The following UST variants were observed in gnomAD, a reference collection of about 807,000 sequenced individuals.
UST encodes the protein uronyl 2-sulfotransferase, also known as chondroitin sulfate 2-O-sulfotransferase.
UST carries 21 observed loss-of-function variants against 45.6 expected under a neutral mutation model. The ratio of observed to expected loss-of-function variants is 0.46; its 90% CI spans 0.33 to 0.66. The LOEUF (loss-of-function observed/expected upper bound fraction) is 0.66. Ranked by LOEUF, UST falls within the 30% of genes least tolerant of loss-of-function variation. The pLI, the probability that UST is intolerant of heterozygous loss-of-function variation, is 0.02. For synonymous variants in UST, 215 were observed against 200.6 expected, an observed-to-expected ratio of 1.07 and a Z score of -0.61; for missense variants, 463 against 512.4, an observed-to-expected ratio of 0.90 and a Z score of 0.93.
At chr6:148,921,920 C>A (rs1215751437) in intron 2 of UST, among the ~76,000 whole-genome samples, 1 of 152,092 alleles carries the variant, frequency 6.6e-6, no homozygotes, top group East Asian at 1.9e-4. Context: ...GGGCTCCAGT[C>A]CCCACCCTCT....
chr6:149,038,759 T>G (rs1158920154), intron 7 of UST, among the ~76,000 whole-genome samples: 2 of 152,184 alleles, frequency 1.3e-5, no homozygotes, highest in Non-Finnish European at 2.9e-5. Flanking sequence ...ACAAAGAGCC[T>G]TCAAAGATGA....
At position 148,748,385 on chromosome 6, in the gene UST, G is replaced by C. The variant is rs1775918309; in HGVS notation, c.247+708G>C. On this transcript the variant is annotated intron_variant, in intron 1 of 7. Transcript: ENST00000367463. This position sits in a 1 kb window ranked among gnomAD's most constrained non-coding sequence, Gnocchi z 5.3. ...ATCCTCGGCGCTGTGTGCGTCTCAA[G>C]CTCAAGTCAAAACTTGTGTGTGTGT... Among the ~76,000 whole-genome samples the C allele has an allele frequency of 6.8e-6, 1 of 147,084 alleles. No homozygotes were observed. The highest frequency in any genetic ancestry group is 1.5e-5 in the Non-Finnish European group (1 of 67,252).
At chr6:148,812,398 G>C (rs1382285473) in intron 1 of UST, among the ~76,000 whole-genome samples, 1 of 152,142 alleles carries the variant, frequency 6.6e-6, no homozygotes. Context: ...GTTATTTATT[G>C]CAATGTAACA....
At chr6:149,029,899 T>A (rs1776113830) in intron 7 of UST, among the ~76,000 whole-genome samples, 1 of 151,470 alleles carries the variant, frequency 6.6e-6, no homozygotes, top group South Asian at 2.1e-4. Context: ...TGTGTGTGTG[T>A]GTGTGTGTGT....
intron 5 of UST, among the ~76,000 whole-genome samples, chr6:149,012,550 G>A (rs767420288): frequency 1.3e-4 from 20 of 152,246 alleles, no homozygotes; most frequent in Middle Eastern, 3.4e-3. Flanking sequence ...TATTTTTAGC[G>A]TGTGAAGACT....
intron 1 of UST, among the ~76,000 whole-genome samples, chr6:148,751,612 T>A (rs1331367741): frequency 1.3e-5 from 2 of 152,236 alleles, no homozygotes; most frequent in East Asian, 3.8e-4. Context: ...CAAGGATAAC[T>A]GTTATCTTGA....
At chr6:148,870,589 T>G (rs918928044) in intron 1 of UST, among the ~76,000 whole-genome samples, 2 of 152,200 alleles carry the variant, frequency 1.3e-5, no homozygotes, top group Non-Finnish European at 2.9e-5. Flanking sequence ...GCGCCTGCCC[T>G]TCTCTTGCTG....
intron 2 of UST, among the ~76,000 whole-genome samples, chr6:148,894,040 G>T (rs1436398863): frequency 6.6e-6 from 1 of 152,142 alleles, no homozygotes; most frequent in Non-Finnish European, 1.5e-5. Flanking sequence ...GTCTAGGATG[G>T]AAAGGATGAG....
chr6:148,747,915 C>T (rs1775905324), intron 1 of UST, among the ~76,000 whole-genome samples: 1 of 152,156 alleles, frequency 6.6e-6, no homozygotes, highest in South Asian at 2.1e-4. Flanking sequence ...GCAGGTACCC[C>T]GGGGCGAGGC....
At chr6:149,009,773 G>A (rs888078366) in intron 5 of UST, among the ~76,000 whole-genome samples, 2 of 151,444 alleles carry the variant, frequency 1.3e-5, no homozygotes, top group Non-Finnish European at 2.9e-5. Context: ...CAACTGAGAG[G>A]CAGAGAGGCA....
At chr6:148,773,301 A>C (rs1776467826) in intron 1 of UST, among the ~76,000 whole-genome samples, 1 of 152,104 alleles carries the variant, frequency 6.6e-6, no homozygotes, top group African/African-American at 2.4e-5. Context: ...TCTCTACCAA[A>C]AATACAAAAA....
At chr6:149,043,021 T>TTTTC (rs71554434) in intron 7 of UST, among the ~76,000 whole-genome samples, 107 of 118,298 alleles carry the variant, frequency 9.0e-4, no homozygotes, top group Middle Eastern at 8.1e-3. Context: ...CTTTCTTTCT[T>TTTTC]TTTCTTTCTT....
At chr6:148,871,072 A>AT (rs538417690) in intron 1 of UST, among the ~76,000 whole-genome samples, 266 of 142,522 alleles carry the variant, frequency 1.9e-3, no homozygotes, top group African/African-American at 6.6e-3. Flanking sequence ...CCATGATGGG[A>AT]TTGGGGGCCT....
Position 149,018,493 on chromosome 6 carries a change from C to A in UST, c.682-646C>A, listed in dbSNP as rs61134866. ...AGTTGGTTTTGAGCCCTTCTGCTTA[C>A]CCCCACCAAGCCATTTCAAGCTCTG... On this transcript the variant is annotated intron_variant, in intron 5 of 7. Transcript: ENST00000367463. 8.5e-3 allele frequency among the ~76,000 whole-genome samples: 1,291 copies of A among 152,234 alleles called. 14 individuals carry two copies. Among genetic ancestry groups the A allele is most frequent in the African/African-American group, 0.03 (1,235 of 41,538 alleles).
intron 2 of UST, among the ~76,000 whole-genome samples, chr6:148,909,622 A>G (rs1779435937): frequency 6.6e-6 from 1 of 152,184 alleles, no homozygotes; most frequent in South Asian, 2.1e-4. Flanking sequence ...CTCAGGATCT[A>G]CATTATTCAT....
rs570322317 is a variant in UST, at chr6:148,930,187, G to A, written c.292-11092G>A. Among the ~76,000 whole-genome samples the A allele has an allele frequency of 3.3e-5, 5 of 152,286 alleles. No individual in the cohort carries two copies. The East Asian group carries it at 5.8e-4, about 18-fold the overall frequency. ...ACTGTATGCATATCTCTAGTGGGGCGCTTACCACATGGTATCAGCGCAAGC... is the reference window on the plus strand; with the variant it reads ...ACTGTATGCATATCTCTAGTGGGGCACTTACCACATGGTATCAGCGCAAGC... On this transcript the variant is annotated intron_variant, in intron 2 of 7. Coordinates refer to ENST00000367463, the MANE Select transcript of UST (RefSeq NM_005715.3).
chr6:148,792,226 A>C (rs541281471), intron 1 of UST, among the ~76,000 whole-genome samples: 4 of 152,308 alleles, frequency 2.6e-5, no homozygotes, highest in African/African-American at 9.6e-5. Context: ...GTTTGAAAAT[A>C]GTTTCTATCC....
chr6:148,931,560 A>T (rs1449842090), intron 2 of UST, among the ~76,000 whole-genome samples: 3 of 152,222 alleles, frequency 2.0e-5, no homozygotes, highest in Non-Finnish European at 2.9e-5. Context: ...TGCAAACTAG[A>T]ACTAATTTGA....
intron 2 of UST, among the ~76,000 whole-genome samples, chr6:148,912,630 G>A (rs995042432): frequency 2.0e-5 from 3 of 152,158 alleles, no homozygotes; most frequent in Non-Finnish European, 2.9e-5. Flanking sequence ...CTCCCTGGCC[G>A]GTCAGAGCCT....
Sources: gnomAD v4.1 joint callset for allele counts (sites outside exome capture counted in the v4.1 genomes callset) on GRCh38, gnomAD v4.1.1 for gene constraint, Gnocchi (gnomAD v3.1) non-coding constraint, MANE v1.5 for transcripts, NCBI Gene and HGNC (gene_info 2026-07-23, HGNC 2026-07-21) for gene names.